NOL4: variants seen among roughly 807,000 people sequenced by gnomAD.
NOL4 encodes cancer/testis antigen 125.
NOL4 carries 17 observed loss-of-function variants against 75.9 expected under a neutral mutation model. The observed-to-expected ratio is 0.22, with a 90% CI of 0.15 to 0.34. The LOEUF is 0.34. Among genes scored for constraint, NOL4 ranks in the 10% least tolerant of loss-of-function variants. NOL4 has a pLI of 1.00. For missense variants in NOL4, 614 were observed against 793.5 expected, an observed-to-expected ratio of 0.77 and a Z score of 2.72; for synonymous variants, 292 against 289.9, an observed-to-expected ratio of 1.01 and a Z score of -0.07.
intron 6 of NOL4, among the ~76,000 whole-genome samples, chr18:34,016,247 C>T (rs2074686402): frequency 6.6e-6 from 1 of 151,946 alleles, no homozygotes; most frequent in Non-Finnish European, 1.5e-5. Context: ...TATTTGATTC[C>T]AACTGTCAAT....
intron 1 of NOL4, among the ~76,000 whole-genome samples, chr18:34,139,297 T>C (rs2081038081): frequency 6.6e-6 from 1 of 152,158 alleles, no homozygotes; most frequent in Non-Finnish European, 1.5e-5. Context: ...GCTGTGAATC[T>C]GTCTGGTCCT....
chr18:34,133,046 G>T (rs953549450), intron 1 of NOL4, among the ~76,000 whole-genome samples: 3 of 152,096 alleles, frequency 2.0e-5, no homozygotes, highest in Non-Finnish European at 2.9e-5. Context: ...GCAGAGGGGG[G>T]TGGATCACCT....
intron 1 of NOL4, among the ~76,000 whole-genome samples, chr18:34,177,416 T>A (rs1025450849): frequency 6.6e-6 from 1 of 151,954 alleles, no homozygotes; most frequent in African/African-American, 2.4e-5. Context: ...ATGAAATATG[T>A]ACAATTTATT....
chr18:34,113,102 T>A (rs1217354168), intron 2 of NOL4, among the ~76,000 whole-genome samples: 1 of 152,104 alleles, frequency 6.6e-6, no homozygotes, highest in African/African-American at 2.4e-5. Context: ...CCCAATTAGC[T>A]AGGACTACAG....
intron 9 of NOL4, among the ~76,000 whole-genome samples, chr18:33,939,052 G>T (rs1165630984): frequency 1.3e-5 from 2 of 152,124 alleles, no homozygotes; most frequent in African/African-American, 4.8e-5. Flanking sequence ...CTCATTGCTT[G>T]TTTTTGTCAG....
intron 1 of NOL4, among the ~76,000 whole-genome samples, chr18:34,170,636 A>G (rs1416535446): frequency 6.6e-6 from 1 of 152,232 alleles, no homozygotes; most frequent in Admixed American, 6.5e-5. Flanking sequence ...TTACTTTAAA[A>G]TGACTACTAG....
intron 9 of NOL4, among the ~76,000 whole-genome samples, chr18:33,892,264 A>G (rs1361807668): frequency 6.6e-6 from 1 of 151,932 alleles, no homozygotes; most frequent in African/African-American, 2.4e-5. Flanking sequence ...CCCTGTCTCT[A>G]CAAAAAAATT....
At chr18:33,882,928 A>C (rs373433340) in intron 10 of NOL4, among the ~76,000 whole-genome samples, 8 of 151,226 alleles carry the variant, frequency 5.3e-5, no homozygotes, top group Non-Finnish European at 8.8e-5. Context: ...AAATTGGAAA[A>C]CATCATTCTC....
intron 1 of NOL4, among the ~76,000 whole-genome samples, chr18:34,208,446 A>T (rs919272670): frequency 7.2e-6 from 1 of 138,518 alleles, no homozygotes; most frequent in Non-Finnish European, 1.6e-5. Flanking sequence ...GAAAAAGATT[A>T]AAAAAAAAAA....
chr18:33,863,699 T>C (rs1179474016), intron 10 of NOL4, among the ~76,000 whole-genome samples: 1 of 152,112 alleles, frequency 6.6e-6, no homozygotes, highest in Non-Finnish European at 1.5e-5. Context: ...TTCAAGCACA[T>C]GGTGCAAGTT....
At chr18:34,091,373 TAATAAAACAA>T (rs1329214143) in intron 5 of NOL4, among the ~76,000 whole-genome samples, 2 of 151,480 alleles carry the variant, frequency 1.3e-5, no homozygotes, top group Non-Finnish European at 3.0e-5. Context: ...AAAAATAAAA[TAATAAAACAA>T]AATAAAACAA....
intron 8 of NOL4, among the ~76,000 whole-genome samples, chr18:33,954,143 A>G (rs1036274383): frequency 2.0e-5 from 3 of 152,190 alleles, no homozygotes; most frequent in Non-Finnish European, 4.4e-5. Flanking sequence ...ACACTGTCTC[A>G]TATACTTTAA....
chr18:34,119,784 G>T (rs553264856), intron 2 of NOL4, among the ~76,000 whole-genome samples: 5 of 151,980 alleles, frequency 3.3e-5, no homozygotes, highest in Non-Finnish European at 7.4e-5. Context: ...ACCACGCCTG[G>T]CTAATTTTTT....
chr18:33,981,718 T>C (rs1028617623), intron 6 of NOL4, among the ~76,000 whole-genome samples: 4 of 152,074 alleles, frequency 2.6e-5, no homozygotes, highest in Admixed American at 1.3e-4. Context: ...ATAATATAGG[T>C]TAATGACTTG....
chr18:34,191,554 T>C (rs1028717632), intron 1 of NOL4, among the ~76,000 whole-genome samples: 15 of 152,152 alleles, frequency 9.9e-5, no homozygotes, highest in African/African-American at 3.6e-4. Context: ...GATAATTCTA[T>C]CTCTCTGTTG....
At chr18:34,010,594 G>A (rs540326332) in intron 6 of NOL4, among the ~76,000 whole-genome samples, 7 of 151,804 alleles carry the variant, frequency 4.6e-5, no homozygotes, top group East Asian at 1.9e-4. Flanking sequence ...TGAAATATAT[G>A]CTAGTTCTAT....
At chr18:34,102,650 T>C (rs1468098935) in intron 4 of NOL4, among the ~76,000 whole-genome samples, 2 of 152,014 alleles carry the variant, frequency 1.3e-5, no homozygotes, top group Admixed American at 6.6e-5. Flanking sequence ...TGTGGGCGCA[T>C]TGTTGGCACA....
intron 5 of NOL4, among the ~76,000 whole-genome samples, chr18:34,033,553 C>T (rs776937939): frequency 8.6e-5 from 13 of 151,826 alleles, no homozygotes; most frequent in Non-Finnish European, 1.6e-4. Context: ...ATATGATAAA[C>T]CCATAAAGCA....
chr18:34,049,906 T>G (rs1267644343), intron 5 of NOL4, among the ~76,000 whole-genome samples: 1 of 152,138 alleles, frequency 6.6e-6, no homozygotes, highest in African/African-American at 2.4e-5. Context: ...AGGGCTATCT[T>G]TAGTTACTTC....
Sources: allele counts gnomAD v4.1 joint callset (sites outside exome capture counted in the v4.1 genomes callset), GRCh38; gene constraint gnomAD v4.1.1; transcripts MANE v1.5; gene names NCBI Gene and HGNC (gene_info 2026-07-23, HGNC 2026-07-21).